Variants in DLG2 observed in about 807,000 individuals in gnomAD.
DLG2 encodes the protein discs large MAGUK scaffold protein 2, also known as disks large homolog 2.
Under a neutral mutation model 132.5 loss-of-function variants are expected in DLG2, and 45 were observed. The observed-to-expected ratio is 0.34, with a 90% CI of 0.27 to 0.44. The LOEUF is 0.44. Ranked by LOEUF, DLG2 falls within the 20% of genes least tolerant of loss-of-function variation. The pLI, the probability that DLG2 is intolerant of heterozygous loss-of-function variation, is 1.00. For missense variants in DLG2, 1,045 were observed against 1,196.9 expected, an observed-to-expected ratio of 0.87 and a Z score of 1.87; for synonymous variants, 424 against 419.6, an observed-to-expected ratio of 1.01 and a Z score of -0.13.
intron 14 of DLG2, among the ~76,000 whole-genome samples, chr11:83,954,491 C>T (rs1179280925): frequency 1.3e-5 from 2 of 152,156 alleles, no homozygotes; most frequent in Non-Finnish European, 2.9e-5. Context: ...CTACACTTTG[C>T]TTCAAAACAT....
rs2099321402 is a variant in DLG2 at position 84,526,647 on chromosome 11, T to C, written c.519+7923A>G. ...TATAATTATATTTTATTAGTTATTG[T>C]GGTTAATCCCTTACTGAGCCTAATT... On this transcript the variant is annotated intron_variant, in intron 7 of 27. Transcript: ENST00000376104. 2.6e-5 allele frequency among the ~76,000 whole-genome samples: 4 copies of C among 152,146 alleles called. No individual in the cohort carries two copies. The South Asian group carries it at 8.3e-4, about 31-fold the overall frequency.
chr11:84,921,257 G>A (rs1411047583), intron 6 of DLG2, among the ~76,000 whole-genome samples: 1 of 152,122 alleles, frequency 6.6e-6, no homozygotes, highest in East Asian at 1.9e-4. Context: ...ATCTAAGGAA[G>A]TGCAAGAGCT....
chr11:84,310,580 C>T (rs927098297), intron 7 of DLG2, among the ~76,000 whole-genome samples: 1 of 152,280 alleles, frequency 6.6e-6, no homozygotes, highest in African/African-American at 2.4e-5. Context: ...GAGTGTTGAC[C>T]AAACGGCTTC....
intron 11 of DLG2, among the ~76,000 whole-genome samples, chr11:84,056,511 A>C (rs1219393590): frequency 6.6e-6 from 1 of 152,124 alleles, no homozygotes; most frequent in East Asian, 1.9e-4. Context: ...TCTCCCATTT[A>C]AACTTTCTGA....
intron 3 of DLG2, among the ~76,000 whole-genome samples, chr11:85,376,134 A>G (rs1004299502): frequency 1.3e-5 from 2 of 152,196 alleles, no homozygotes; most frequent in Non-Finnish European, 2.9e-5. Flanking sequence ...ACATCCCCAC[A>G]GAGGGCTTAC....
chr11:85,032,469 A>G (rs1231514770), intron 6 of DLG2, among the ~76,000 whole-genome samples: 1 of 152,242 alleles, frequency 6.6e-6, no homozygotes, highest in Non-Finnish European at 1.5e-5. Context: ...ATGTAATTTT[A>G]AAGCAATCTT....
At chr11:85,284,603 T>C (rs2078442189) in intron 4 of DLG2, among the ~76,000 whole-genome samples, 1 of 151,954 alleles carries the variant, frequency 6.6e-6, no homozygotes, top group Non-Finnish European at 1.5e-5. Context: ...CTTGCCTTAG[T>C]CTTTGGTAAA....
chr11:84,704,543 T>C (rs2059582735), intron 6 of DLG2, among the ~76,000 whole-genome samples: 2 of 151,638 alleles, frequency 1.3e-5, no homozygotes, highest in East Asian at 3.9e-4. Flanking sequence ...GTGTGAGGTA[T>C]CATACTGAAA....
chr11:84,864,965 C>T (rs2084322126), intron 6 of DLG2, among the ~76,000 whole-genome samples: 1 of 151,984 alleles, frequency 6.6e-6, no homozygotes, highest in Non-Finnish European at 1.5e-5. Flanking sequence ...TCTTGGTACA[C>T]AGGAGTAATA....
chr11:85,534,951 C>T (rs1204178585), intron 3 of DLG2, among the ~76,000 whole-genome samples: 1 of 152,202 alleles, frequency 6.6e-6, no homozygotes, highest in Non-Finnish European at 1.5e-5. Flanking sequence ...TTTACATTTT[C>T]ACCAATAGTG....
intron 16 of DLG2, among the ~76,000 whole-genome samples, chr11:83,842,829 A>AAG (rs2057900916): frequency 6.7e-6 from 1 of 148,598 alleles, no homozygotes; most frequent in Non-Finnish European, 1.5e-5. Flanking sequence ...AAAAAAAAAA[A>AAG]AAAAGAAGGA....
At position 83,730,457 on chromosome 11, in the gene DLG2, A is replaced by G. The variant is rs551831982; in HGVS notation, c.1825+56233T>C. Among the ~76,000 whole-genome samples the G allele has an allele frequency of 1.1e-4, 16 of 152,278 alleles. No homozygotes were observed. In the South Asian group the frequency reaches 3.1e-3, roughly 30 times the overall value. ...AAGAATTACTGAGCTAAAGACAATC[A>G]AGAAGAAGCAGATGTGGGAAAACTC... On this transcript the variant is annotated intron_variant, in intron 18 of 27. Coordinates refer to ENST00000376104, the MANE Select transcript of DLG2 (RefSeq NM_001142699.3).
chr11:85,438,247 C>G (rs893649627), intron 3 of DLG2, among the ~76,000 whole-genome samples: 7 of 152,146 alleles, frequency 4.6e-5, no homozygotes, highest in African/African-American at 1.7e-4. Flanking sequence ...ATGACCCAAA[C>G]ACCTCCCAAC....
intron 3 of DLG2, among the ~76,000 whole-genome samples, chr11:85,546,989 T>G (rs534150616): frequency 6.6e-6 from 1 of 152,186 alleles, no homozygotes; most frequent in East Asian, 1.9e-4. Flanking sequence ...AATTGGGGCA[T>G]TTAGTCCATT....
intron 10 of DLG2, among the ~76,000 whole-genome samples, chr11:84,088,910 T>C (rs1403305282): frequency 1.3e-5 from 2 of 152,222 alleles, no homozygotes; most frequent in African/African-American, 2.4e-5. Flanking sequence ...GCTTGTATCC[T>C]GCTTTGACCC....
intron 6 of DLG2, among the ~76,000 whole-genome samples, chr11:84,794,235 T>A (rs1469394405): frequency 6.6e-6 from 1 of 152,208 alleles, no homozygotes; most frequent in Non-Finnish European, 1.5e-5. Flanking sequence ...TAGTCAAGAA[T>A]AACTTCATTG....
intron 6 of DLG2, among the ~76,000 whole-genome samples, chr11:84,869,707 A>G (rs1241409875): frequency 6.6e-6 from 1 of 152,200 alleles, no homozygotes; most frequent in Non-Finnish European, 1.5e-5. Context: ...TGTCTCTTCT[A>G]GACTATACTC....
intron 6 of DLG2, among the ~76,000 whole-genome samples, chr11:85,028,379 C>T (rs919204533): frequency 2.0e-5 from 3 of 152,158 alleles, no homozygotes; most frequent in Admixed American, 6.5e-5. Flanking sequence ...CAGCCTGGCC[C>T]CCATGCTTCA....
rs60002552 is a variant in DLG2 at position 85,102,811 on chromosome 11, A to G, written c.357+8850T>C. Among the ~76,000 whole-genome samples, 99 of 152,064 alleles carry G rather than the reference A, an allele frequency of 6.5e-4. 1 individual carries two copies. The East Asian group carries it at 0.018, about 28-fold the overall frequency. On this transcript the variant is annotated intron_variant, in intron 6 of 27. Coordinates refer to ENST00000376104, the MANE Select transcript of DLG2 (RefSeq NM_001142699.3). ...AGAAAATTAAATAAAAGGCATCCAG[A>G]TTAAAAAGGAAGAAGTAAAACTTTC...
Sources: gnomAD v4.1 joint callset for allele counts (sites outside exome capture counted in the v4.1 genomes callset) on GRCh38, gnomAD v4.1.1 for gene constraint, MANE v1.5 for transcripts, NCBI Gene and HGNC (gene_info 2026-07-23, HGNC 2026-07-21) for gene names.